RAB3C: variants seen among roughly 807,000 people sequenced by gnomAD.
RAB3C encodes RAB3C, member RAS oncogene family.
A neutral mutation model predicts 26.4 loss-of-function variants in RAB3C; 17 were observed. That is an observed-to-expected ratio of 0.64 (90% CI 0.44 to 0.97). The LOEUF is 0.97. Ranked by LOEUF, RAB3C falls within the 50% of genes least tolerant of loss-of-function variation. The pLI is 0.00. For synonymous variants in RAB3C, 91 were observed against 95.9 expected (o/e 0.95, Z 0.30); for missense variants, 242 against 281.9 (o/e 0.86, Z 1.01).
intron 3 of RAB3C, among the ~76,000 whole-genome samples, chr5:58,795,493 G>A (rs1742624218): frequency 6.6e-6 from 1 of 152,160 alleles, no homozygotes; most frequent in Non-Finnish European, 1.5e-5. Flanking sequence ...GGCCTGCTGT[G>A]TAACTTTCAA....
chr5:58,756,669 A>G (rs1741674600), intron 3 of RAB3C, among the ~76,000 whole-genome samples: 1 of 138,446 alleles, frequency 7.2e-6, no homozygotes, highest in African/African-American at 2.7e-5. Context: ...TGATAATCTC[A>G]TGTCTGAATA....
chr5:58,853,153 T>A lies in RAB3C; in HGVS notation c.*1802T>A, dbSNP rs899520384. ...CATAGTAAAGACAAGAAAACATTAA[T>A]GTTTTATTAGTTTTTAATGGGGCAA... On this transcript the variant is annotated 3_prime_UTR_variant, in exon 5 of 5. Transcript: ENST00000282878. The A allele has an allele frequency of 6.6e-6, 1 of 152,176 alleles. No individual in the cohort carries two copies. Among genetic ancestry groups the A allele is most frequent in the Non-Finnish European group, 1.5e-5 (1 of 68,026 alleles). 9.4% of individuals were successfully genotyped at this position (152,176 alleles called of 1,614,324 possible). A position where few individuals can be genotyped will look rare whatever the true frequency, so the allele number is the denominator to read the frequency against.
At chr5:58,585,041 G>A (rs1218430181) in intron 1 of RAB3C, among the ~76,000 whole-genome samples, 1 of 152,044 alleles carries the variant, frequency 6.6e-6, no homozygotes, top group Non-Finnish European at 1.5e-5. Context: ...CTTGTGGATG[G>A]AGTTATTGTC....
chr5:58,590,305 T>C (rs1184041874), intron 1 of RAB3C, among the ~76,000 whole-genome samples: 1 of 152,162 alleles, frequency 6.6e-6, no homozygotes, highest in Non-Finnish European at 1.5e-5. Flanking sequence ...TGTAGTGATA[T>C]CCCCTTTCTT....
intron 1 of RAB3C, among the ~76,000 whole-genome samples, chr5:58,613,603 A>C (rs1445218136): frequency 1.3e-5 from 2 of 152,144 alleles, no homozygotes; most frequent in African/African-American, 4.8e-5. Flanking sequence ...TAAGTTGTCA[A>C]ATATAGAATG....
intron 3 of RAB3C, among the ~76,000 whole-genome samples, chr5:58,789,099 C>T (rs1368744117): frequency 2.0e-5 from 3 of 152,024 alleles, no homozygotes; most frequent in African/African-American, 7.2e-5. Flanking sequence ...AAGGAAAATG[C>T]ATTATAAATA....
intron 3 of RAB3C, among the ~76,000 whole-genome samples, chr5:58,737,394 AATATATATATATAT>A (rs55691242): frequency 0.022 from 830 of 38,180 alleles, 4 homozygotes; most frequent in South Asian, 0.028. Context: ...CACCCTATGA[AATATATATATATAT>A]ATATATATAT....
intron 3 of RAB3C, among the ~76,000 whole-genome samples, chr5:58,764,228 T>C (rs1741852621): frequency 6.6e-6 from 1 of 152,206 alleles, no homozygotes; most frequent in Non-Finnish European, 1.5e-5. Context: ...GTCACCTTTG[T>C]GTAAATTTAA....
chr5:58,724,334 A>C (rs1264767557), intron 2 of RAB3C, among the ~76,000 whole-genome samples: 1 of 151,814 alleles, frequency 6.6e-6, no homozygotes, highest in Non-Finnish European at 1.5e-5. Context: ...TTCCTCGGCT[A>C]TCTAATGGGA....
chr5:58,632,096 C>T (rs1179288273), intron 2 of RAB3C, among the ~76,000 whole-genome samples: 2 of 152,178 alleles, frequency 1.3e-5, no homozygotes, highest in Non-Finnish European at 1.5e-5. Flanking sequence ...AGTGATTCTA[C>T]AGTTGGGAGG....
At chr5:58,759,387 G>A (rs939425637) in intron 3 of RAB3C, among the ~76,000 whole-genome samples, 4 of 152,158 alleles carry the variant, frequency 2.6e-5, no homozygotes, top group Non-Finnish European at 5.9e-5. Flanking sequence ...AACGTCACAA[G>A]GAAGTTAGGC....
intron 3 of RAB3C, among the ~76,000 whole-genome samples, chr5:58,787,250 C>T (rs1031208711): frequency 1.3e-5 from 2 of 152,204 alleles, no homozygotes; most frequent in Non-Finnish European, 2.9e-5. Flanking sequence ...GAGTTCCTTA[C>T]GATTTCCACG....
intron 3 of RAB3C, among the ~76,000 whole-genome samples, chr5:58,812,957 A>C (rs1443742561): frequency 1.3e-5 from 2 of 152,208 alleles, no homozygotes; most frequent in African/African-American, 4.8e-5. Context: ...AGAAAAGCTG[A>C]GAAAATAGTC....
At chr5:58,807,318 C>A (rs1429788015) in intron 3 of RAB3C, among the ~76,000 whole-genome samples, 1 of 152,128 alleles carries the variant, frequency 6.6e-6, no homozygotes, top group Non-Finnish European at 1.5e-5. Flanking sequence ...CAGAGTTTTT[C>A]CCATCATAAT....
chr5:58,766,360 C>T (rs887635470), intron 3 of RAB3C, among the ~76,000 whole-genome samples: 2 of 152,098 alleles, frequency 1.3e-5, no homozygotes, highest in African/African-American at 2.4e-5. Flanking sequence ...TCGTGATCCA[C>T]CCACCTCGGC....
intron 2 of RAB3C, among the ~76,000 whole-genome samples, chr5:58,673,283 A>ACT: frequency 6.6e-6 from 1 of 152,122 alleles, no homozygotes; most frequent in Admixed American, 6.5e-5. Context: ...TTCAGATATT[A>ACT]CAGTAATTTC....
chr5:58,825,224 C>G, intron 4 of RAB3C, 62 bp downstream of exon 4: 1 of 1,505,382 alleles, frequency 6.6e-7, no homozygotes, highest in South Asian at 1.3e-5. Flanking sequence ...TAACTCTGTA[C>G]AGAGTCCGAG....
At chr5:58,799,024 G>A (rs901039863) in intron 3 of RAB3C, among the ~76,000 whole-genome samples, 4 of 152,146 alleles carry the variant, frequency 2.6e-5, no homozygotes, top group Non-Finnish European at 4.4e-5. Context: ...GGATCCTGGG[G>A]GGAAGAAACA....
At chr5:58,846,697 A>C (rs943649145) in intron 4 of RAB3C, among the ~76,000 whole-genome samples, 2 of 151,902 alleles carry the variant, frequency 1.3e-5, no homozygotes, top group Non-Finnish European at 2.9e-5. Flanking sequence ...AGGTGATTCT[A>C]ATGAGGGTGA....
Sources: gnomAD v4.1 joint callset for allele counts (sites outside exome capture counted in the v4.1 genomes callset) on GRCh38, gnomAD v4.1.1 for gene constraint, MANE v1.5 for transcripts, NCBI Gene and HGNC (gene_info 2026-07-23, HGNC 2026-07-21) for gene names.